The following KHDRBS2 variants were observed in gnomAD, a reference collection of about 807,000 sequenced individuals.
KHDRBS2 encodes KH domain-containing, RNA-binding, signal transduction-associated protein 2.
KHDRBS2 carries 26 observed loss-of-function variants against 44.3 expected under a neutral mutation model. The ratio of observed to expected loss-of-function variants is 0.59; its 90% confidence interval spans 0.43 to 0.81. The LOEUF is 0.81. Among genes scored for constraint, KHDRBS2 ranks in the 40% least tolerant of loss-of-function variants. The pLI is 0.00. For synonymous variants in KHDRBS2, 194 were observed against 151.1 expected (o/e 1.28, Z -2.08); for missense variants, 476 against 433.1 (o/e 1.10, Z -0.88).
At chr6:62,223,186 G>C (rs1831183496) in intron 1 of KHDRBS2, among the ~76,000 whole-genome samples, 1 of 152,236 alleles carries the variant, frequency 6.6e-6, no homozygotes, top group Non-Finnish European at 1.5e-5. Context: ...AATTTAGGTA[G>C]AGTTTCCCAA....
At chr6:61,806,401 C>T (rs1316680886) in intron 6 of KHDRBS2, among the ~76,000 whole-genome samples, 2 of 151,986 alleles carry the variant, frequency 1.3e-5, no homozygotes, top group East Asian at 1.9e-4. Context: ...GGAGAGATGC[C>T]CAGGAAGCTA....
intron 2 of KHDRBS2, among the ~76,000 whole-genome samples, chr6:62,048,959 C>A (rs531753759): frequency 6.6e-6 from 1 of 151,776 alleles, no homozygotes; most frequent in Admixed American, 6.6e-5. Context: ...CTTTTCTTTT[C>A]CTTTTCTCTT....
intron 6 of KHDRBS2, among the ~76,000 whole-genome samples, chr6:61,773,254 C>A (rs894976378): frequency 2.4e-4 from 37 of 152,152 alleles, no homozygotes; most frequent in African/African-American, 8.7e-4. Flanking sequence ...TACAGTCCCA[C>A]CAACAGTGTA....
chr6:62,250,439 T>C (rs1417162716), intron 1 of KHDRBS2, among the ~76,000 whole-genome samples: 1 of 152,060 alleles, frequency 6.6e-6, no homozygotes, highest in African/African-American at 2.4e-5. Flanking sequence ...TGAGGAATTC[T>C]ATAATGTAAT....
Position 62,007,886 on chromosome 6 carries a change from A to C in KHDRBS2, c.337-29674T>G, listed in dbSNP as rs542254904. ...ATAAACTAGAACACATATGTTGTGC[A>C]TCTCTACTGTAAAATGGCAAAATAT... On this transcript the variant is annotated intron_variant, in intron 3 of 8. Transcript: ENST00000281156. Among the ~76,000 whole-genome samples the C allele has an allele frequency of 2.0e-5, 3 of 152,324 alleles. No individual in the cohort carries two copies. The East Asian group carries it at 5.8e-4, about 29-fold the overall frequency.
chr6:62,280,771 C>T (rs78336402), intron 1 of KHDRBS2, among the ~76,000 whole-genome samples: 3,863 of 152,132 alleles, frequency 0.025, 128 homozygotes, highest in African/African-American at 0.082. Context: ...AAGAAAGAGT[C>T]GATCGGGAGA....
intron 1 of KHDRBS2, among the ~76,000 whole-genome samples, chr6:62,188,486 G>A (rs1251232433): frequency 2.0e-5 from 3 of 152,124 alleles, no homozygotes; most frequent in Non-Finnish European, 4.4e-5. Context: ...TGTGAAAAAT[G>A]TAAAAGAGGG....
chr6:61,660,263 T>A, the KHDRBS2 span, among the ~76,000 whole-genome samples: 1 of 151,784 alleles, frequency 6.6e-6, no homozygotes, highest in Non-Finnish European at 1.5e-5. Flanking sequence ...TAAGTATGGA[T>A]CAGATTCAAG....
At chr6:62,157,535 T>C (rs958264528) in intron 2 of KHDRBS2, among the ~76,000 whole-genome samples, 1 of 152,214 alleles carries the variant, frequency 6.6e-6, no homozygotes, top group Non-Finnish European at 1.5e-5. Flanking sequence ...ATCTCTGAGA[T>C]GTGTCTTCAG....
At chr6:61,586,092 AAATC>A in the KHDRBS2 span, among the ~76,000 whole-genome samples, 2 of 152,188 alleles carry the variant, frequency 1.3e-5, no homozygotes, top group Non-Finnish European at 2.9e-5. Flanking sequence ...TTGAACTTCT[AAATC>A]AAGCCTTGCC....
At chr6:61,956,474 T>G (rs1375545298) in intron 4 of KHDRBS2, among the ~76,000 whole-genome samples, 1 of 152,180 alleles carries the variant, frequency 6.6e-6, no homozygotes, top group Non-Finnish European at 1.5e-5. Context: ...TCAAACACCT[T>G]CAGCCAGTAC....
chr6:62,171,189 G>A (rs922028826), intron 2 of KHDRBS2, among the ~76,000 whole-genome samples: 1 of 152,074 alleles, frequency 6.6e-6, no homozygotes, highest in Non-Finnish European at 1.5e-5. Flanking sequence ...AGAGATTCAG[G>A]AGAAAGTCAA....
the KHDRBS2 span, among the ~76,000 whole-genome samples, chr6:61,618,617 T>C: frequency 4.6e-5 from 7 of 152,154 alleles, no homozygotes; most frequent in Non-Finnish European, 8.8e-5. Flanking sequence ...TTCCTCTCCC[T>C]CTTCACACCC....
intron 2 of KHDRBS2, among the ~76,000 whole-genome samples, chr6:62,169,159 G>GTATACA (rs1491102372): frequency 2.0e-5 from 1 of 50,240 alleles, no homozygotes; most frequent in East Asian, 5.3e-4. Context: ...GTATATATAC[G>GTATACA]TACACATATA....
chr6:61,567,515 C>A, the KHDRBS2 span, among the ~76,000 whole-genome samples: 1 of 152,064 alleles, frequency 6.6e-6, no homozygotes, highest in Admixed American at 6.6e-5. Context: ...GTGGTGTGCA[C>A]CTGTGGTCTT....
chr6:61,842,629 A>G (rs544758130), intron 6 of KHDRBS2, among the ~76,000 whole-genome samples: 1 of 152,158 alleles, frequency 6.6e-6, no homozygotes, highest in Non-Finnish European at 1.5e-5. Context: ...GAACCCTCAT[A>G]CATTGCTATT....
At chr6:62,151,744 C>T (rs1409468675) in intron 2 of KHDRBS2, among the ~76,000 whole-genome samples, 1 of 152,096 alleles carries the variant, frequency 6.6e-6, no homozygotes, top group Non-Finnish European at 1.5e-5. Flanking sequence ...TCAAGTAATG[C>T]AACATAACTG....
intron 3 of KHDRBS2, among the ~76,000 whole-genome samples, chr6:61,994,834 C>T (rs541573248): frequency 3.0e-4 from 46 of 152,080 alleles, no homozygotes; most frequent in African/African-American, 1.0e-3. Flanking sequence ...GTGGGGTCTT[C>T]GTGGTGAGTA....
chr6:61,726,100 A>G (rs1773503686), intron 7 of KHDRBS2, among the ~76,000 whole-genome samples: 2 of 152,158 alleles, frequency 1.3e-5, no homozygotes, highest in Non-Finnish European at 2.9e-5. Context: ...CTTATTTAAC[A>G]TGATCCAGTT....
Sources: gnomAD v4.1 joint callset for allele counts (sites outside exome capture counted in the v4.1 genomes callset) on GRCh38, gnomAD v4.1.1 for gene constraint, MANE v1.5 for transcripts, NCBI Gene and HGNC (gene_info 2026-07-23, HGNC 2026-07-21) for gene names.